The following NUBPL variants were observed in gnomAD, a reference collection of about 807,000 sequenced individuals.
NUBPL encodes the protein iron-sulfur cluster transfer protein NUBPL.
NUBPL carries 31 observed loss-of-function variants against 45.7 expected under a neutral mutation model. The observed-to-expected ratio is 0.68, with a 90% CI of 0.51 to 0.92. The LOEUF (loss-of-function observed/expected upper bound fraction) is 0.92, where lower values mean the gene tolerates loss of function less well. Among genes scored for constraint, NUBPL ranks in the 40% least tolerant of loss-of-function variants. NUBPL has a pLI of 0.00. For missense variants in NUBPL, 401 were observed against 398.7 expected (o/e 1.01, Z -0.05); for synonymous variants, 144 against 140.9 (o/e 1.02, Z -0.15).
At chr14:31,654,443 C>G (rs1003729851) in intron 4 of NUBPL, among the ~76,000 whole-genome samples, 15 of 148,176 alleles carry the variant, frequency 1.0e-4, no homozygotes, top group African/African-American at 3.5e-4. Flanking sequence ...GAGTCTCGCT[C>G]TGTTGCCCAG....
intron 9 of NUBPL, among the ~76,000 whole-genome samples, chr14:31,849,868 G>A (rs185205980): frequency 6.6e-6 from 1 of 152,220 alleles, no homozygotes; most frequent in East Asian, 1.9e-4. Flanking sequence ...ATAAATCAGA[G>A]GCCTCATACC....
chr14:31,707,168 A>T (rs560375356), intron 6 of NUBPL, among the ~76,000 whole-genome samples: 2 of 152,326 alleles, frequency 1.3e-5, no homozygotes, highest in African/African-American at 4.8e-5. Context: ...TAAGATTTAG[A>T]TGTCCTGTTA....
intron 3 of NUBPL, among the ~76,000 whole-genome samples, chr14:31,585,593 CTCTG>C (rs1390761640): frequency 1.3e-5 from 2 of 152,190 alleles, no homozygotes; most frequent in Admixed American, 6.5e-5. Flanking sequence ...TACGGTAACT[CTCTG>C]TCTAACTGTT....
At chr14:31,780,791 G>C (rs1023166408) in intron 6 of NUBPL, among the ~76,000 whole-genome samples, 2 of 152,106 alleles carry the variant, frequency 1.3e-5, no homozygotes, top group Non-Finnish European at 2.9e-5. Flanking sequence ...AACTAACAAA[G>C]AAATCTAGGT....
At chr14:31,727,325 A>G (rs1232077861) in intron 6 of NUBPL, among the ~76,000 whole-genome samples, 2 of 152,204 alleles carry the variant, frequency 1.3e-5, no homozygotes, top group Non-Finnish European at 2.9e-5. Context: ...AAGGCTTACC[A>G]TATTTCTCTT....
At chr14:31,764,941 A>G (rs757798458) in intron 6 of NUBPL, among the ~76,000 whole-genome samples, 10 of 152,122 alleles carry the variant, frequency 6.6e-5, no homozygotes, top group Non-Finnish European at 1.2e-4. Context: ...CTGCTTTGCA[A>G]TTCTCATACA....
chr14:31,663,512 C>T (rs766315983), intron 4 of NUBPL, among the ~76,000 whole-genome samples: 9 of 152,034 alleles, frequency 5.9e-5, no homozygotes, highest in Non-Finnish European at 1.2e-4. Flanking sequence ...TTCCTATTGC[C>T]TGTTTGTGTC....
intron 2 of NUBPL, among the ~76,000 whole-genome samples, chr14:31,562,604 G>T (rs138501370): frequency 0.045 from 5,419 of 119,356 alleles, 149 homozygotes; most frequent in African/African-American, 0.14. Context: ...TTTTTTTTTT[G>T]TTTTTTTTTT....
intron 1 of NUBPL, 49 bp downstream of exon 1, chr14:31,561,596 T>TGCAGGGCC: frequency 5.8e-6 from 7 of 1,216,202 alleles, no homozygotes; most frequent in Non-Finnish European, 7.5e-6. Context: ...GATGCTGGGC[T>TGCAGGGCC]GCAGGGCCGC....
At position 31,860,561 on chromosome 14, in the gene NUBPL, T is replaced by C. The variant is rs2040697609; in HGVS notation, c.*1381T>C. On this transcript the variant is annotated 3_prime_UTR_variant, in exon 11 of 11. Transcript: ENST00000281081. ...TGATAAGTGTGAGCCATTAGTTAATTCGCATTTATAAAGAAGTGGTCTGTC... is the reference window on the plus strand; with the variant it reads ...TGATAAGTGTGAGCCATTAGTTAATCCGCATTTATAAAGAAGTGGTCTGTC... The C allele has an allele frequency of 6.6e-6, 1 of 152,208 alleles. No homozygotes were observed. Among genetic ancestry groups the C allele is most frequent in the Non-Finnish European group, 1.5e-5 (1 of 68,038 alleles). The allele number at this position is 152,208 out of a possible 1,614,324, so 9.4% of individuals were successfully genotyped here.
chr14:31,706,492 A>G (rs2037455528), intron 6 of NUBPL, among the ~76,000 whole-genome samples: 2 of 152,366 alleles, frequency 1.3e-5, no homozygotes, highest in East Asian at 1.9e-4. Context: ...GGGAGAAGCC[A>G]TGTTGCCCAA....
rs181101107 is a variant in NUBPL at position 31,783,836 on chromosome 14, A to G, written c.514-3944A>G. Among the ~76,000 whole-genome samples the G allele has an allele frequency of 2.4e-3, 358 of 152,318 alleles. 2 individuals carry two copies. Among genetic ancestry groups the G allele is most frequent in the African/African-American group, 8.1e-3 (335 of 41,580 alleles). On this transcript the variant is annotated intron_variant, in intron 6 of 10. Coordinates refer to ENST00000281081, the MANE Select transcript of NUBPL (RefSeq NM_025152.3). The stretch of plus-strand genomic sequence containing the variant: ...CCTGGCCAATAGCAGTTTTCTTTAA[A>G]GAAATAAGAAATTGAAAGTAACATG...
chr14:31,780,153 C>T (rs560226480), intron 6 of NUBPL, among the ~76,000 whole-genome samples: 1 of 152,010 alleles, frequency 6.6e-6, no homozygotes, highest in African/African-American at 2.4e-5. Context: ...GCCTCTGCCC[C>T]CCAGGTTTAA....
At chr14:31,645,775 C>G (rs949667737) in intron 4 of NUBPL, among the ~76,000 whole-genome samples, 3 of 42,066 alleles carry the variant, frequency 7.1e-5, no homozygotes, top group Non-Finnish European at 1.0e-4. Flanking sequence ...ATACTTTACA[C>G]CCCCCCCCCC....
chr14:31,627,383 C>A (rs186864280), intron 4 of NUBPL, among the ~76,000 whole-genome samples: 1 of 152,000 alleles, frequency 6.6e-6, no homozygotes, highest in East Asian at 2.0e-4. Flanking sequence ...CAATGCATTT[C>A]GGCTTACTCT....
chr14:31,738,936 TTGAAGAATA>T (rs2038217689), intron 6 of NUBPL, among the ~76,000 whole-genome samples: 1 of 151,952 alleles, frequency 6.6e-6, no homozygotes, highest in Non-Finnish European at 1.5e-5. Flanking sequence ...TTTTAGAGGC[TTGAAGAATA>T]TGTCTATTAT....
intron 4 of NUBPL, among the ~76,000 whole-genome samples, chr14:31,615,503 T>C (rs1052051348): frequency 1.3e-5 from 2 of 152,130 alleles, no homozygotes; most frequent in Admixed American, 1.3e-4. Context: ...TGTGTCCATA[T>C]GTTCTCATTG....
chr14:31,813,025 C>G (rs2039842031), intron 7 of NUBPL, among the ~76,000 whole-genome samples: 1 of 149,174 alleles, frequency 6.7e-6, no homozygotes, highest in Admixed American at 6.7e-5. Context: ...TGCTCTGTCG[C>G]CTAGGCTGGA....
intron 4 of NUBPL, among the ~76,000 whole-genome samples, chr14:31,606,977 C>T (rs1032595512): frequency 6.6e-6 from 1 of 152,144 alleles, no homozygotes; most frequent in Non-Finnish European, 1.5e-5. Flanking sequence ...GCTGACATCA[C>T]TTTATTTTGT....
Sources: allele counts gnomAD v4.1 joint callset (sites outside exome capture counted in the v4.1 genomes callset), GRCh38; gene constraint gnomAD v4.1.1; transcripts MANE v1.5; gene names NCBI Gene and HGNC (gene_info 2026-07-23, HGNC 2026-07-21).